RAB3B: variants seen among roughly 807,000 people sequenced by gnomAD.
The protein encoded by RAB3B is RAB3B, member RAS oncogene family.
A neutral mutation model predicts 20.5 loss-of-function variants in RAB3B; 11 were observed. That is an observed-to-expected ratio of 0.54 (90% CI 0.34 to 0.89). RAB3B has a LOEUF of 0.89. Ranked by LOEUF, RAB3B falls within the 40% of genes least tolerant of loss-of-function variation. The pLI, the probability that RAB3B is intolerant of heterozygous loss-of-function variation, is 0.02. For missense variants in RAB3B, 225 were observed against 280.9 expected (o/e 0.80, Z 1.42); for synonymous variants, 99 against 106.3 (o/e 0.93, Z 0.42).
At chr1:51,960,313 T>G (rs1480453475) in intron 2 of RAB3B, among the ~76,000 whole-genome samples, 3 of 152,118 alleles carry the variant, frequency 2.0e-5, no homozygotes, top group African/African-American at 7.2e-5. Context: ...AGGATGACCC[T>G]TAGTTTTGAG....
chr1:51,989,028 A>AT (rs1685184242), intron 1 of RAB3B, among the ~76,000 whole-genome samples: 1 of 150,378 alleles, frequency 6.6e-6, no homozygotes, highest in South Asian at 2.1e-4. Context: ...ACTTCTATAG[A>AT]TAGGGCCTTT....
chr1:51,957,432 G>C (rs1051618694), intron 2 of RAB3B, among the ~76,000 whole-genome samples: 1 of 152,190 alleles, frequency 6.6e-6, no homozygotes, highest in Non-Finnish European at 1.5e-5. Context: ...CAGACAGTGT[G>C]AAGGGCAGCA....
At chr1:51,941,104 C>T (rs1482830794) in intron 2 of RAB3B, among the ~76,000 whole-genome samples, 1 of 152,034 alleles carries the variant, frequency 6.6e-6, no homozygotes, top group Non-Finnish European at 1.5e-5. Flanking sequence ...TGAAAGTGTG[C>T]TTATTTGGCA....
intron 2 of RAB3B, among the ~76,000 whole-genome samples, chr1:51,938,909 C>G (rs572948188): frequency 6.6e-6 from 1 of 152,280 alleles, no homozygotes; most frequent in Admixed American, 6.5e-5. Context: ...AATCCACCCA[C>G]CTTAGCCTCC....
chr1:51,949,675 G>T (rs1684611071), intron 2 of RAB3B, among the ~76,000 whole-genome samples: 2 of 152,226 alleles, frequency 1.3e-5, no homozygotes, highest in Non-Finnish European at 2.9e-5. Flanking sequence ...GGGTGTTACA[G>T]TGTGCTAATT....
chr1:51,957,535 C>A (rs118152217), intron 2 of RAB3B, among the ~76,000 whole-genome samples: 1 of 152,346 alleles, frequency 6.6e-6, no homozygotes, highest in East Asian at 1.9e-4. Flanking sequence ...ACTTTCTGAG[C>A]TGCAGATCTG....
intron 2 of RAB3B, among the ~76,000 whole-genome samples, chr1:51,959,620 G>A (rs966442212): frequency 3.3e-5 from 5 of 152,084 alleles, no homozygotes; most frequent in African/African-American, 1.2e-4. Context: ...CCGACTCCCA[G>A]CCCAGAAGAG....
chr1:51,948,836 C>T (rs1180082633), intron 2 of RAB3B, among the ~76,000 whole-genome samples: 1 of 152,212 alleles, frequency 6.6e-6, no homozygotes, highest in East Asian at 1.9e-4. Context: ...ACTACCAGTG[C>T]CACAAGAACA....
In RAB3B at chr1:51,916,083, A is replaced by T. The variant is rs1684080701; in HGVS notation, c.*3844T>A. The T allele has an allele frequency of 6.6e-6, 1 of 152,234 alleles. No individual in the cohort carries two copies. The allele number at this position is 152,234 out of a possible 1,614,324, so 9.4% of individuals were successfully genotyped here. A position where few individuals can be genotyped will look rare whatever the true frequency, so the allele number is the denominator to read the frequency against. ...CACTAACACATATTACACAGCTTGA[A>T]CCTTGGTGGCTAATTGCGCTATTAC... On this transcript the variant is annotated 3_prime_UTR_variant, in exon 5 of 5. Transcript: ENST00000371655.
Position 51,937,513 on chromosome 1 carries a change from T to C in RAB3B, c.229-101A>G, listed in dbSNP as rs946071179. 5.3e-6 allele frequency: 4 copies of C among 759,554 alleles called. No homozygotes were observed. In the Admixed American group the frequency reaches 1.1e-4, roughly 21 times the overall value. 47.1% of individuals were successfully genotyped at this position (759,554 alleles called of 1,614,324 possible). A position where few individuals can be genotyped will look rare whatever the true frequency, so the allele number is the denominator to read the frequency against. On this transcript the variant is annotated intron_variant, in intron 2 of 4. Coordinates refer to ENST00000371655, the MANE Select transcript of RAB3B (RefSeq NM_002867.4). The stretch of plus-strand genomic sequence containing the variant: ...TAATAACCCAAGACATTTTTTTTTT[T>C]TGAGATGGAGTTTTGCTCTTGTTGC...
At chr1:51,943,144 G>A (rs1445938791) in intron 2 of RAB3B, among the ~76,000 whole-genome samples, 1 of 152,170 alleles carries the variant, frequency 6.6e-6, no homozygotes, top group African/African-American at 2.4e-5. Context: ...AGCACTTTGG[G>A]AGGCCGAGGC....
chr1:51,975,626 G>C (rs1684997444), intron 2 of RAB3B, among the ~76,000 whole-genome samples: 1 of 152,192 alleles, frequency 6.6e-6, no homozygotes, highest in African/African-American at 2.4e-5. Flanking sequence ...GACACTCTAA[G>C]AGGCCAAATG....
chr1:51,921,437 G>A (rs569434347), intron 4 of RAB3B, among the ~76,000 whole-genome samples: 1 of 152,294 alleles, frequency 6.6e-6, no homozygotes, highest in South Asian at 2.1e-4. Context: ...AGCGGAAACT[G>A]GATTTAGACC....
intron 2 of RAB3B, among the ~76,000 whole-genome samples, chr1:51,972,753 T>C (rs903224485): frequency 2.0e-5 from 3 of 152,188 alleles, no homozygotes; most frequent in African/African-American, 7.2e-5. Context: ...TCAACCCTAC[T>C]GGCACCTTGA....
intron 4 of RAB3B, among the ~76,000 whole-genome samples, chr1:51,924,783 A>T (rs991734490): frequency 2.0e-5 from 3 of 152,164 alleles, no homozygotes; most frequent in Admixed American, 6.5e-5. Context: ...TTACTGTCAG[A>T]TTCCTGAAAT....
intron 2 of RAB3B, among the ~76,000 whole-genome samples, chr1:51,957,771 G>A (rs968057026): frequency 2.6e-5 from 4 of 152,146 alleles, no homozygotes; most frequent in Non-Finnish European, 5.9e-5. Context: ...GTGAGAGGAG[G>A]GAGGAGCCCA....
intron 4 of RAB3B, among the ~76,000 whole-genome samples, chr1:51,927,729 G>T (rs377040016): frequency 6.6e-6 from 1 of 152,178 alleles, no homozygotes; most frequent in African/African-American, 2.4e-5. Context: ...CTTGAGTCCC[G>T]TAGGTGAAGG....
intron 4 of RAB3B, among the ~76,000 whole-genome samples, chr1:51,928,263 C>T (rs576191105): frequency 2.0e-4 from 30 of 152,036 alleles, no homozygotes; most frequent in Admixed American, 4.6e-4. Flanking sequence ...TGCACCACCA[C>T]GCCTGGCTAA....
intron 2 of RAB3B, among the ~76,000 whole-genome samples, chr1:51,943,331 T>C (rs540589625): frequency 6.6e-6 from 1 of 151,766 alleles, no homozygotes; most frequent in Admixed American, 6.6e-5. Flanking sequence ...CTGCAGTGAG[T>C]CAAGATCACA....
Sources: gnomAD v4.1 joint callset for allele counts (sites outside exome capture counted in the v4.1 genomes callset) on GRCh38, gnomAD v4.1.1 for gene constraint, MANE v1.5 for transcripts, NCBI Gene and HGNC (gene_info 2026-07-23, HGNC 2026-07-21) for gene names.